Variants in CSTPP1 observed in about 807,000 individuals in gnomAD.
The protein encoded by CSTPP1 is UPF0705 protein C11orf49.
chr11:47,105,794 C>T, the CSTPP1 span, among the ~76,000 whole-genome samples: 1 of 152,186 alleles, frequency 6.6e-6, no homozygotes, highest in African/African-American at 2.4e-5. Flanking sequence ...CAGAGCCAAG[C>T]ACATAAAATG....
the CSTPP1 span, among the ~76,000 whole-genome samples, chr11:47,103,013 A>T: frequency 2.0e-5 from 3 of 148,500 alleles, no homozygotes; most frequent in Non-Finnish European, 4.5e-5. Flanking sequence ...AAAAAGCCAG[A>T]TTGGGAGAAA....
the CSTPP1 span, among the ~76,000 whole-genome samples, chr11:47,134,583 C>T: frequency 2.6e-5 from 4 of 152,130 alleles, no homozygotes; most frequent in African/African-American, 9.7e-5. Flanking sequence ...TGAGAAGGGC[C>T]TTTGAGATCT....
chr11:47,155,455 C>A, the CSTPP1 span: 2 of 614,438 alleles, frequency 3.3e-6, no homozygotes, highest in African/African-American at 3.7e-5. Flanking sequence ...GCAGAGCCGA[C>A]TTCCTCAGCC....
At chr11:46,982,076 C>A in the CSTPP1 span, among the ~76,000 whole-genome samples, 1 of 151,866 alleles carries the variant, frequency 6.6e-6, no homozygotes, top group Non-Finnish European at 1.5e-5. Flanking sequence ...GAACTTGAAA[C>A]TTCTAAGCAG....
At chr11:46,963,347 G>A in the CSTPP1 span, among the ~76,000 whole-genome samples, 2 of 149,544 alleles carry the variant, frequency 1.3e-5, no homozygotes, top group Admixed American at 6.7e-5. Flanking sequence ...TTTCATGAAA[G>A]GATGTTAGAC....
chr11:47,030,916 C>T, the CSTPP1 span, among the ~76,000 whole-genome samples: 4 of 152,170 alleles, frequency 2.6e-5, no homozygotes, highest in Non-Finnish European at 5.9e-5. Flanking sequence ...TTCATCCCGT[C>T]TATCACTGAT....
At chr11:47,132,084 T>A in the CSTPP1 span, among the ~76,000 whole-genome samples, 2 of 152,212 alleles carry the variant, frequency 1.3e-5, no homozygotes, top group Non-Finnish European at 2.9e-5. Flanking sequence ...TGTAGTACAC[T>A]GGTCATGGTT....
chr11:47,156,287 T>C, the CSTPP1 span, among the ~76,000 whole-genome samples: 1 of 152,196 alleles, frequency 6.6e-6, no homozygotes, highest in African/African-American at 2.4e-5. Flanking sequence ...TTTCCCTCAC[T>C]GTCTCCCCAG....
the CSTPP1 span, among the ~76,000 whole-genome samples, chr11:47,091,709 A>G: frequency 6.6e-6 from 1 of 152,318 alleles, no homozygotes; most frequent in African/African-American, 2.4e-5. Context: ...TGTCCTTTTA[A>G]GAGGGAGTCA....
the CSTPP1 span, among the ~76,000 whole-genome samples, chr11:47,122,625 C>T: frequency 6.6e-6 from 1 of 152,076 alleles, no homozygotes; most frequent in African/African-American, 2.4e-5. Flanking sequence ...CTCTGTCACC[C>T]AGGCTGGAGT....
chr11:46,969,625 C>T, the CSTPP1 span, among the ~76,000 whole-genome samples: 4 of 152,162 alleles, frequency 2.6e-5, no homozygotes, highest in South Asian at 2.1e-4. Flanking sequence ...AAACAAATGC[C>T]GTCAACAGTG....
At chr11:47,025,895 T>G in the CSTPP1 span, among the ~76,000 whole-genome samples, 1 of 152,074 alleles carries the variant, frequency 6.6e-6, no homozygotes, top group Non-Finnish European at 1.5e-5. Context: ...TAAAAAGTTA[T>G]AAAAGAAAAC....
the CSTPP1 span, among the ~76,000 whole-genome samples, chr11:47,038,480 C>T: frequency 9.4e-6 from 1 of 106,912 alleles, no homozygotes. Context: ...CCCTCCCGGA[C>T]GGGGCGGCCG....
the CSTPP1 span, among the ~76,000 whole-genome samples, chr11:46,939,247 C>T: frequency 1.3e-4 from 19 of 151,792 alleles, no homozygotes; most frequent in African/African-American, 4.1e-4. Context: ...TGCGCCACCA[C>T]GCCTGGCTAA....
the CSTPP1 span, among the ~76,000 whole-genome samples, chr11:47,153,784 G>C: frequency 2.6e-5 from 4 of 152,168 alleles, no homozygotes; most frequent in Non-Finnish European, 4.4e-5. Context: ...TCGCAGCAAA[G>C]GGAGTGGCAC....
At chr11:47,117,207 T>G in the CSTPP1 span, among the ~76,000 whole-genome samples, 1 of 152,232 alleles carries the variant, frequency 6.6e-6, no homozygotes, top group African/African-American at 2.4e-5. Context: ...TGCCTGTTAA[T>G]TGATGCAGTT....
At chr11:47,067,197 T>G in the CSTPP1 span, among the ~76,000 whole-genome samples, 1 of 152,232 alleles carries the variant, frequency 6.6e-6, no homozygotes, top group African/African-American at 2.4e-5. Flanking sequence ...AAGGGAGTAA[T>G]AGTAAATTTG....
the CSTPP1 span, among the ~76,000 whole-genome samples, chr11:47,085,884 A>G: frequency 6.6e-6 from 1 of 151,608 alleles, no homozygotes; most frequent in African/African-American, 2.4e-5. Flanking sequence ...TCTCAAAAAA[A>G]AAAAAGATAC....
chr11:46,960,113 T>TA, the CSTPP1 span, among the ~76,000 whole-genome samples: 1 of 152,192 alleles, frequency 6.6e-6, no homozygotes, highest in African/African-American at 2.4e-5. Context: ...GCAATCTGCC[T>TA]AACTTGGCTT....
Sources: allele counts gnomAD v4.1 joint callset (sites outside exome capture counted in the v4.1 genomes callset), GRCh38; gene constraint gnomAD v4.1.1; transcripts MANE v1.5; gene names NCBI Gene and HGNC (gene_info 2026-07-23, HGNC 2026-07-21).